The following RAB33A variants were observed in gnomAD, a reference collection of about 807,000 sequenced individuals.
RAB33A encodes the protein ras-related protein Rab-33A.
RAB33A carries 6 observed loss-of-function variants against 12.0 expected under a neutral mutation model. The ratio of observed to expected loss-of-function variants is 0.50; its 90% CI spans 0.27 to 0.99. The LOEUF is 0.99. Ranked by LOEUF, RAB33A falls within the 50% of genes least tolerant of loss-of-function variation. The pLI is 0.11. For missense variants in RAB33A, 109 were observed against 192.0 expected, an observed-to-expected ratio of 0.57 and a Z score of 2.55; for synonymous variants, 70 against 82.4, an observed-to-expected ratio of 0.85 and a Z score of 0.81.
chrX:130,135,917 A>T, the RAB33A span: 1 of 902,141 alleles, frequency 1.1e-6, no homozygotes, highest in Non-Finnish European at 1.6e-6. Context: ...TCTATTCTGT[A>T]CCCTCAGCCT....
At chrX:130,149,401 C>T in the RAB33A span, 2 of 913,467 alleles carry the variant, frequency 2.2e-6, no homozygotes, top group Non-Finnish European at 3.2e-6. Flanking sequence ...TAAATCACAG[C>T]ACCCAAACTG....
chrX:130,141,162 CAAACAA>C, the RAB33A span, among the ~76,000 whole-genome samples: 1 of 111,863 alleles, frequency 8.9e-6, no homozygotes, highest in East Asian at 2.8e-4. Flanking sequence ...ACAACAAAAA[CAAACAA>C]AAACAAAAAC....
chrX:130,139,226 G>C, the RAB33A span, among the ~76,000 whole-genome samples: 2 of 110,425 alleles, frequency 1.8e-5, no homozygotes, highest in Non-Finnish European at 3.8e-5. Flanking sequence ...TAGCTACTTG[G>C]AAGGCTGAGG....
At chrX:130,163,279 T>C in the RAB33A span, among the ~76,000 whole-genome samples, 1 of 95,627 alleles carries the variant, frequency 1.0e-5, no homozygotes, top group East Asian at 3.2e-4. Flanking sequence ...CACTGCACTC[T>C]GGGAAACTGA....
the RAB33A span, among the ~76,000 whole-genome samples, chrX:130,163,956 C>A: frequency 9.7e-6 from 1 of 103,363 alleles, no homozygotes; most frequent in Non-Finnish European, 2.0e-5. Context: ...GAGATCGAGA[C>A]CATCCTGGTT....
chrX:130,164,691 A>G, the RAB33A span, among the ~76,000 whole-genome samples: 1 of 111,945 alleles, frequency 8.9e-6, no homozygotes, highest in East Asian at 2.8e-4. Flanking sequence ...AAGAGACCCG[A>G]ATTCATTCTT....
At chrX:130,111,507 A>G in the RAB33A span, among the ~76,000 whole-genome samples, 1 of 112,585 alleles carries the variant, frequency 8.9e-6, no homozygotes, top group Non-Finnish European at 1.9e-5. Flanking sequence ...TTTTGGAACC[A>G]TATGCCCGAC....
the RAB33A span, among the ~76,000 whole-genome samples, chrX:130,121,881 G>A: frequency 8.9e-6 from 1 of 112,442 alleles, no homozygotes; most frequent in Non-Finnish European, 1.9e-5. Flanking sequence ...GGAAGCTGGT[G>A]GCTCTTCTTT....
At chrX:130,180,054 G>C (rs1055185311) in intron 1 of RAB33A, among the ~76,000 whole-genome samples, 1 of 110,456 alleles carries the variant, frequency 9.1e-6, no homozygotes, top group Admixed American at 9.7e-5. Flanking sequence ...GTGAGATTTG[G>C]ATAGGGCAAT....
At chrX:130,116,919 A>G in the RAB33A span, among the ~76,000 whole-genome samples, 2 of 112,069 alleles carry the variant, frequency 1.8e-5, no homozygotes. Flanking sequence ...AATCATTAAA[A>G]CAGTTATACA....
At chrX:130,150,522 A>T in the RAB33A span, among the ~76,000 whole-genome samples, 1 of 101,933 alleles carries the variant, frequency 9.8e-6, no homozygotes, top group Non-Finnish European at 2.0e-5. Flanking sequence ...TTTTTAGTAG[A>T]GACGGGGTTT....
chrX:130,129,407 G>T, the RAB33A span: 2 of 515,558 alleles, frequency 3.9e-6, no homozygotes, highest in South Asian at 5.4e-5. Context: ...TGAACATTAA[G>T]AATTTACCTA....
At chrX:130,128,024 T>C in the RAB33A span, among the ~76,000 whole-genome samples, 1 of 111,537 alleles carries the variant, frequency 9.0e-6, no homozygotes, top group East Asian at 2.8e-4. Context: ...TTTGGATATA[T>C]CATTTGGATA....
chrX:130,170,881 G>T (rs2031596846), upstream of RAB33A, among the ~76,000 whole-genome samples: 1 of 112,809 alleles, frequency 8.9e-6, no homozygotes, highest in Non-Finnish European at 1.9e-5. Context: ...ACCTGGGCCA[G>T]TAATGGCTAG....
At chrX:130,113,426 GAT>G in the RAB33A span, among the ~76,000 whole-genome samples, 6 of 94,790 alleles carry the variant, frequency 6.3e-5, no homozygotes, top group Admixed American at 3.4e-4. Flanking sequence ...TTTTAGTTTA[GAT>G]TTTTTTTTTT....
At chrX:130,154,546 TTCAGCCAC>T in the RAB33A span, among the ~76,000 whole-genome samples, 1 of 112,351 alleles carries the variant, frequency 8.9e-6, no homozygotes, top group Non-Finnish European at 1.9e-5. Context: ...CTTGTACCGC[TTCAGCCAC>T]TAGTTTGACC....
chrX:130,170,088 G>C (rs1410834687), upstream of RAB33A, among the ~76,000 whole-genome samples: 1 of 112,540 alleles, frequency 8.9e-6, no homozygotes, highest in Non-Finnish European at 1.9e-5. Context: ...TATCTGGGTA[G>C]TTTTAATGCT....
chrX:130,128,592 T>C, the RAB33A span, among the ~76,000 whole-genome samples: 1 of 112,285 alleles, frequency 8.9e-6, no homozygotes, highest in Non-Finnish European at 1.9e-5. Flanking sequence ...ATAATAAGAT[T>C]TGATTTTTAA....
the RAB33A span, among the ~76,000 whole-genome samples, chrX:130,156,777 G>A: frequency 8.9e-6 from 1 of 112,146 alleles, no homozygotes; most frequent in Non-Finnish European, 1.9e-5. Context: ...ACAGCTGAAT[G>A]AACGCTCTTA....
Sources: gnomAD v4.1 joint callset for allele counts (sites outside exome capture counted in the v4.1 genomes callset) on GRCh38, gnomAD v4.1.1 for gene constraint, MANE v1.5 for transcripts, NCBI Gene and HGNC (gene_info 2026-07-23, HGNC 2026-07-21) for gene names.